The following UBAC2 variants were observed in gnomAD, a reference collection of about 807,000 sequenced individuals.
UBAC2 encodes UBA domain containing 2, also known as ubiquitin-associated domain-containing protein 2.
Under a neutral mutation model 44.0 loss-of-function variants are expected in UBAC2, and 26 were observed. The observed-to-expected ratio is 0.59, with a 90% CI of 0.43 to 0.82. The LOEUF is 0.82. UBAC2 is among the 40% of genes least tolerant of loss of function. The pLI is 0.00. For missense variants in UBAC2, 329 were observed against 419.4 expected (o/e 0.78, Z 1.88); for synonymous variants, 155 against 154.3 (o/e 1.00, Z -0.04).
chr13:99,275,858 G>T (rs1299339266), intron 4 of UBAC2, among the ~76,000 whole-genome samples: 1 of 152,152 alleles, frequency 6.6e-6, no homozygotes, highest in Admixed American at 6.5e-5. Flanking sequence ...AGGTCCCCTG[G>T]TGAGGATGTT....
intron 4 of UBAC2, among the ~76,000 whole-genome samples, chr13:99,246,907 A>C (rs1396763555): frequency 1.3e-5 from 2 of 152,226 alleles, no homozygotes; most frequent in African/African-American, 4.8e-5. Flanking sequence ...TGACTTTTTT[A>C]AATCTTCAGG....
At chr13:99,231,927 T>G (rs1392881063) in intron 1 of UBAC2, among the ~76,000 whole-genome samples, 1 of 152,196 alleles carries the variant, frequency 6.6e-6, no homozygotes, top group Non-Finnish European at 1.5e-5. Context: ...AATGCACGTC[T>G]TACTGACATA....
At chr13:99,339,142 C>T (rs578238461) in intron 6 of UBAC2, among the ~76,000 whole-genome samples, 1 of 152,274 alleles carries the variant, frequency 6.6e-6, no homozygotes, top group South Asian at 2.1e-4. Flanking sequence ...CACTCAGTAG[C>T]CCCCCAAGAT....
At chr13:99,283,826 C>T (rs1873715621) in intron 4 of UBAC2, among the ~76,000 whole-genome samples, 1 of 139,706 alleles carries the variant, frequency 7.2e-6, no homozygotes, top group African/African-American at 2.6e-5. Flanking sequence ...CCTCTGCCTC[C>T]CGGGTTCAAG....
At chr13:99,270,631 ATAGT>A (rs1391174016) in intron 4 of UBAC2, among the ~76,000 whole-genome samples, 2 of 152,238 alleles carry the variant, frequency 1.3e-5, no homozygotes, top group Non-Finnish European at 2.9e-5. Context: ...ACTTAGAAAC[ATAGT>A]TAGATAGAAA....
intron 1 of UBAC2, among the ~76,000 whole-genome samples, chr13:99,224,121 C>T (rs1022129397): frequency 1.3e-5 from 2 of 152,176 alleles, no homozygotes; most frequent in Admixed American, 6.5e-5. Context: ...TTCTTACAGA[C>T]CCAGAAGCTA....
intron 7 of UBAC2, among the ~76,000 whole-genome samples, chr13:99,343,090 C>T (rs1210842925): frequency 2.6e-5 from 4 of 152,178 alleles, no homozygotes; most frequent in African/African-American, 9.7e-5. Context: ...GGCATGCCTG[C>T]TTCTGCAGCT....
At chr13:99,330,832 C>T (rs1201143766) in intron 6 of UBAC2, among the ~76,000 whole-genome samples, 1 of 152,134 alleles carries the variant, frequency 6.6e-6, no homozygotes, top group South Asian at 2.1e-4. Flanking sequence ...TGTTATTTTT[C>T]ATCAAAGGTA....
chr13:99,264,628 T>C (rs1224190261), intron 4 of UBAC2, among the ~76,000 whole-genome samples: 1 of 152,156 alleles, frequency 6.6e-6, no homozygotes, highest in African/African-American at 2.4e-5. Context: ...TCTCTGATGG[T>C]CACTCTCCCC....
At chr13:99,223,768 G>A (rs904896728) in intron 1 of UBAC2, among the ~76,000 whole-genome samples, 1 of 151,872 alleles carries the variant, frequency 6.6e-6, no homozygotes, top group Non-Finnish European at 1.5e-5. Flanking sequence ...TTAGAAATGT[G>A]TTGTTGAGTT....
intron 1 of UBAC2, among the ~76,000 whole-genome samples, chr13:99,228,291 AT>A (rs138887932): frequency 0.26 from 38,254 of 145,052 alleles, 5,746 homozygotes; most frequent in Non-Finnish European, 0.35. Context: ...ATATTCATTC[AT>A]TTTTTTTTTT....
intron 4 of UBAC2, among the ~76,000 whole-genome samples, chr13:99,253,286 T>C (rs1324387896): frequency 2.0e-5 from 3 of 152,028 alleles, no homozygotes; most frequent in Non-Finnish European, 4.4e-5. Flanking sequence ...TATTGAAAAA[T>C]TGGTGTTTGA....
At chr13:99,280,129 C>T (rs1258959680) in intron 4 of UBAC2, among the ~76,000 whole-genome samples, 1 of 152,198 alleles carries the variant, frequency 6.6e-6, no homozygotes, top group Non-Finnish European at 1.5e-5. Context: ...GCCCCACTCC[C>T]CTAATTTTAT....
At chr13:99,215,677 A>G in intron 1 of UBAC2, 2 of 1,486,776 alleles carry the variant, frequency 1.3e-6, no homozygotes, top group Admixed American at 2.1e-5. Context: ...CCCTCTGGGA[A>G]CTGCAAGCCG....
At chr13:99,296,272 C>T in intron 4 of UBAC2, 2 of 778,862 alleles carry the variant, frequency 2.6e-6, no homozygotes, top group South Asian at 6.1e-5. Flanking sequence ...TCCAAACTGT[C>T]TTTTATATAT....
chr13:99,296,095 C>T (rs747987963), intron 4 of UBAC2: 10 of 1,612,652 alleles, frequency 6.2e-6, no homozygotes, highest in Non-Finnish European at 8.5e-6. Context: ...AGTCATTTCC[C>T]TGAGGAGTTG....
rs35343898 is a variant in UBAC2, at chr13:99,290,728, C to CAA, written c.390-23354_390-23353dup. Among the ~76,000 whole-genome samples the CAA allele has an allele frequency of 8.8e-3, 825 of 93,752 alleles. 6 individuals are homozygous for CAA. Among genetic ancestry groups the CAA allele is most frequent in the African/African-American group, 0.02 (478 of 23,696 alleles). The allele number at this position is 93,752 out of a possible 152,430, so 61.5% of individuals were successfully genotyped here. On this transcript the variant is annotated intron_variant, in intron 4 of 8. Coordinates refer to ENST00000403766, the MANE Select transcript of UBAC2 (RefSeq NM_001144072.2). ...TGACAGCGAGACACCGTTTCACCACCAAAAAAAAAAAAAAAAGAAAGAAAG... is the reference window on the plus strand; with the variant it reads ...TGACAGCGAGACACCGTTTCACCACCAAAAAAAAAAAAAAAAAAGAAAGAAAG...
intron 6 of UBAC2, among the ~76,000 whole-genome samples, chr13:99,320,566 A>G (rs1028006139): frequency 4.6e-5 from 7 of 152,140 alleles, no homozygotes; most frequent in African/African-American, 1.4e-4. Context: ...CTTTATTACT[A>G]TTTTACCATA....
intron 6 of UBAC2, among the ~76,000 whole-genome samples, chr13:99,334,052 C>T (rs4771328): frequency 0.97 from 147,989 of 152,290 alleles, 72,033 homozygotes; most frequent in East Asian, 1. Flanking sequence ...GGTCAAGTGA[C>T]CCTCCCACAT....
Sources: allele counts gnomAD v4.1 joint callset (sites outside exome capture counted in the v4.1 genomes callset), GRCh38; gene constraint gnomAD v4.1.1; transcripts MANE v1.5; gene names NCBI Gene and HGNC (gene_info 2026-07-23, HGNC 2026-07-21).